PTPRD: variants seen among roughly 807,000 people sequenced by gnomAD.
PTPRD encodes the protein receptor-type tyrosine-protein phosphatase delta.
A neutral mutation model predicts 214.5 loss-of-function variants in PTPRD; 34 were observed. The ratio of observed to expected loss-of-function variants is 0.16; its 90% confidence interval spans 0.12 to 0.21. PTPRD has a LOEUF of 0.21. Among genes scored for constraint, PTPRD ranks in the 10% least tolerant of loss-of-function variants. The pLI, the probability that PTPRD is intolerant of heterozygous loss-of-function variation, is 1.00. For missense variants in PTPRD, 2,545 were observed against 2,398.7 expected, an observed-to-expected ratio of 1.06 and a Z score of -1.27; for synonymous variants, 1,128 against 845.7, an observed-to-expected ratio of 1.33 and a Z score of -5.79.
In PTPRD at chr9:8,365,242, C is replaced by T. The variant is rs190312603; in HGVS notation, c.4661+10694G>A. ...GATTCACTGTGAATGAATCATAGTCCTGTTTCTGAGTTCAAAAAGAGGCCC... is the reference window on the plus strand; with the variant it reads ...GATTCACTGTGAATGAATCATAGTCTTGTTTCTGAGTTCAAAAAGAGGCCC... On this transcript the variant is annotated intron_variant, in intron 39 of 45. Transcript: ENST00000381196. Among the ~76,000 whole-genome samples, 478 of 152,192 alleles carry T rather than the reference C, an allele frequency of 3.1e-3. 2 individuals are homozygous for T. The highest frequency in any genetic ancestry group is 0.011 in the African/African-American group (449 of 41,526).
At chr9:9,134,695 T>C (rs542032685) in intron 10 of PTPRD, among the ~76,000 whole-genome samples, 1 of 152,296 alleles carries the variant, frequency 6.6e-6, no homozygotes, top group Admixed American at 6.5e-5. Context: ...CTATTTTGTC[T>C]TCATAGCACT....
At chr9:10,428,589 C>G (rs983908101) in intron 2 of PTPRD, among the ~76,000 whole-genome samples, 1 of 151,890 alleles carries the variant, frequency 6.6e-6, no homozygotes, top group Admixed American at 6.6e-5. Flanking sequence ...TCTTAAGATC[C>G]CACTGTTCTC....
At chr9:8,774,405 G>C (rs980674200) in intron 11 of PTPRD, among the ~76,000 whole-genome samples, 11 of 151,946 alleles carry the variant, frequency 7.2e-5, no homozygotes, top group African/African-American at 2.7e-4. Flanking sequence ...TTACAGGAGA[G>C]AGCTGACAAG....
At chr9:9,354,490 A>G (rs2052869001) in intron 9 of PTPRD, among the ~76,000 whole-genome samples, 1 of 150,972 alleles carries the variant, frequency 6.6e-6, no homozygotes, top group East Asian at 2.0e-4. Context: ...TTTACAATTC[A>G]ATAACTTTTC....
intron 3 of PTPRD, among the ~76,000 whole-genome samples, chr9:10,142,423 T>C (rs957964417): frequency 5.0e-4 from 76 of 151,754 alleles, no homozygotes; most frequent in African/African-American, 1.8e-3. Context: ...CAAACAAATT[T>C]ACGAGAAAAA....
At chr9:9,429,539 T>C (rs1427800044) in intron 8 of PTPRD, among the ~76,000 whole-genome samples, 2 of 152,182 alleles carry the variant, frequency 1.3e-5, no homozygotes, top group Admixed American at 1.3e-4. Flanking sequence ...GAATCCTCCC[T>C]TACTCATTTT....
chr9:9,012,867 T>A (rs1411967350), intron 11 of PTPRD, among the ~76,000 whole-genome samples: 1 of 152,162 alleles, frequency 6.6e-6, no homozygotes, highest in Non-Finnish European at 1.5e-5. Context: ...ATCTGTGACT[T>A]GCCTTTGTAT....
At chr9:8,714,927 C>A (rs1436535550) in intron 12 of PTPRD, among the ~76,000 whole-genome samples, 1 of 151,834 alleles carries the variant, frequency 6.6e-6, no homozygotes, top group Non-Finnish European at 1.5e-5. Flanking sequence ...CCCTAGAATG[C>A]GACCTTAATG....
At chr9:10,539,373 C>G (rs184773662) in intron 2 of PTPRD, among the ~76,000 whole-genome samples, 2 of 152,134 alleles carry the variant, frequency 1.3e-5, no homozygotes, top group Admixed American at 1.3e-4. Context: ...TTAGTAGAGA[C>G]GGTTTTTTGC....
At chr9:9,225,274 T>C (rs991136787) in intron 9 of PTPRD, among the ~76,000 whole-genome samples, 4 of 152,012 alleles carry the variant, frequency 2.6e-5, no homozygotes, top group African/African-American at 9.7e-5. Flanking sequence ...TCCATTAACA[T>C]ATGAGCATTA....
intron 11 of PTPRD, among the ~76,000 whole-genome samples, chr9:8,832,100 G>GTA (rs1049491908): frequency 1.8e-5 from 2 of 110,602 alleles, no homozygotes; most frequent in Admixed American, 8.4e-5. Flanking sequence ...ATATGTATGT[G>GTA]TATATGTGTG....
chr9:9,423,548 C>T (rs376275057), intron 8 of PTPRD, among the ~76,000 whole-genome samples: 3 of 151,984 alleles, frequency 2.0e-5, no homozygotes, highest in East Asian at 3.9e-4. Flanking sequence ...CAAAAAATGC[C>T]GTGAGAATAA....
chr9:9,842,252 G>A lies in PTPRD; in HGVS notation c.-367-75401C>T, dbSNP rs148580313. On this transcript the variant is annotated intron_variant, in intron 5 of 45. Coordinates refer to ENST00000381196, the MANE Select transcript of PTPRD (RefSeq NM_002839.4). ...TGTCTTTTTAGATTAATTATGAAGGGCAATGATTCAAAACACAAAAAACTC... is the reference window on the plus strand; with the variant it reads ...TGTCTTTTTAGATTAATTATGAAGGACAATGATTCAAAACACAAAAAACTC... Among the ~76,000 whole-genome samples, 974 of 148,408 alleles carry A rather than the reference G, an allele frequency of 6.6e-3. 12 individuals carry two copies. Among genetic ancestry groups the A allele is most frequent in the Middle Eastern group, 0.019 (5 of 264 alleles).
chr9:9,886,154 A>G (rs910851405), intron 5 of PTPRD, among the ~76,000 whole-genome samples: 8 of 152,090 alleles, frequency 5.3e-5, no homozygotes, highest in East Asian at 1.9e-4. Flanking sequence ...TATAGCCAAG[A>G]GACATCAGAG....
At chr9:10,313,676 C>T (rs973733105) in intron 3 of PTPRD, among the ~76,000 whole-genome samples, 5 of 151,906 alleles carry the variant, frequency 3.3e-5, no homozygotes, top group Non-Finnish European at 7.4e-5. Flanking sequence ...AAGTCTACTG[C>T]CAGTTCCCAG....
At chr9:9,689,987 T>G (rs1444871251) in intron 7 of PTPRD, among the ~76,000 whole-genome samples, 1 of 151,908 alleles carries the variant, frequency 6.6e-6, no homozygotes, top group African/African-American at 2.4e-5. Context: ...TTTCCTTTCT[T>G]TTGGATGTAT....
rs577138491 is a variant in PTPRD at position 8,315,259 on chromosome 9, C to T, written c.*2615G>A. 3.4e-4 allele frequency: 80 copies of T among 232,666 alleles called. 1 individual carries two copies. In the South Asian group the frequency reaches 7.6e-3, roughly 22 times the overall value. The allele number at this position is 232,666 out of a possible 1,614,324, so 14.4% of individuals were successfully genotyped here. ...AAGATTCCCGCAATAGTCTCCGCCT[C>T]GTTCGTCTATGGTATGCATCCCATT... On this transcript the variant is annotated 3_prime_UTR_variant, in exon 46 of 46. Transcript: ENST00000381196.
chr9:8,973,320 G>C (rs1157647819), intron 11 of PTPRD, among the ~76,000 whole-genome samples: 2 of 151,926 alleles, frequency 1.3e-5, no homozygotes, highest in Non-Finnish European at 2.9e-5. Context: ...ACAGGATTTA[G>C]TTTTCTGTTT....
At chr9:9,214,379 G>A (rs1397566367) in intron 9 of PTPRD, among the ~76,000 whole-genome samples, 3 of 152,154 alleles carry the variant, frequency 2.0e-5, no homozygotes, top group Non-Finnish European at 2.9e-5. Flanking sequence ...GATGCCATAC[G>A]ATTAAACAGG....
Sources: allele counts gnomAD v4.1 joint callset (sites outside exome capture counted in the v4.1 genomes callset), GRCh38; gene constraint gnomAD v4.1.1; transcripts MANE v1.5; gene names NCBI Gene and HGNC (gene_info 2026-07-23, HGNC 2026-07-21).